The following PRKCZ variants were observed in gnomAD, a reference collection of about 807,000 sequenced individuals.
PRKCZ encodes protein kinase C zeta type.
In PRKCZ, 33 loss-of-function variants were observed where a neutral mutation model predicts 79.5. The observed-to-expected ratio is 0.41, with a 90% CI of 0.31 to 0.55. The LOEUF (loss-of-function observed/expected upper bound fraction) is 0.55, where lower values mean the gene tolerates loss of function less well. Among genes scored for constraint, PRKCZ ranks in the 20% least tolerant of loss-of-function variants. PRKCZ has a pLI of 0.19. For missense variants in PRKCZ, 578 were observed against 813.5 expected (o/e 0.71, Z 3.52); for synonymous variants, 342 against 320.9 (o/e 1.07, Z -0.70).
Position 2,128,169 on chromosome 1 carries a change from GTCC to G in PRKCZ, c.335-7088_335-7086del, listed in dbSNP as rs1013657886. On this transcript the variant is annotated intron_variant, in intron 4 of 17. Transcript: ENST00000378567. This position sits in a 1 kb window ranked among gnomAD's most constrained non-coding sequence, Gnocchi z 6.5. The stretch of plus-strand genomic sequence containing the variant: ...CCCAAGGGCACCTCACTGTCTCCTT[GTCC>G]TCCTGGTCACTGACCTGGGCCACCA... 6.6e-6 allele frequency among the ~76,000 whole-genome samples: 1 copy of G among 152,182 alleles called. No homozygotes were observed. The highest frequency in any genetic ancestry group is 2.4e-5 in the African/African-American group (1 of 41,456).
intron 10 of PRKCZ, among the ~76,000 whole-genome samples, chr1:2,164,371 G>C (rs1270493293): frequency 1.3e-5 from 2 of 152,236 alleles, no homozygotes; most frequent in African/African-American, 2.4e-5. Flanking sequence ...TGGACTTAAA[G>C]CAAGCAGGCC....
rs1332178072 is a variant in PRKCZ, at chr1:2,178,843, A to ACT, written c.1575+3530_1575+3531insCT. Among the ~76,000 whole-genome samples the ACT allele has an allele frequency of 6.6e-6, 1 of 152,114 alleles. No individual in the cohort carries two copies. Among genetic ancestry groups the ACT allele is most frequent in the Admixed American group, 6.6e-5 (1 of 15,266 alleles). On this transcript the variant is annotated intron_variant, in intron 16 of 17. Transcript: ENST00000378567. This position sits in a 1 kb window ranked among gnomAD's most constrained non-coding sequence, Gnocchi z 4.3. ...CACGGACTGCGGGGAAGGCAGTGGG[A>ACT]GCAGCAGGAATGGATGGTGAAAGGA... is the stretch of plus-strand genomic sequence containing the variant.
intron 4 of PRKCZ, among the ~76,000 whole-genome samples, chr1:2,106,834 C>T (rs1458528277): frequency 3.5e-5 from 4 of 113,312 alleles, no homozygotes; most frequent in South Asian, 6.7e-4. Flanking sequence ...CGAGGACCTC[C>T]ACACGTGTCA....
At position 2,137,621 on chromosome 1, in the gene PRKCZ, G is replaced by A. The variant is rs562137153; in HGVS notation, c.420+2274G>A. Reference sequence around the variant, plus strand: ...ATCTGTCTCTTCTGTCATTCTGCATGACGGATTAGCCCAGAGTGAACCCTA... The same window carrying A: ...ATCTGTCTCTTCTGTCATTCTGCATAACGGATTAGCCCAGAGTGAACCCTA... On this transcript the variant is annotated intron_variant, in intron 5 of 17. Coordinates refer to ENST00000378567, the MANE Select transcript of PRKCZ (RefSeq NM_002744.6). 1.1e-3 allele frequency among the ~76,000 whole-genome samples: 172 copies of A among 152,296 alleles called. 1 individual carries two copies. Among genetic ancestry groups the A allele is most frequent in the African/African-American group, 4.0e-3 (168 of 41,550 alleles).
chr1:2,148,716 T>C (rs892977520), intron 7 of PRKCZ, among the ~76,000 whole-genome samples, 156 bp from the exon 8 acceptor site: 4 of 152,220 alleles, frequency 2.6e-5, no homozygotes, highest in African/African-American at 9.7e-5. Context: ...GGAAACTGCA[T>C]TTTCAGAAGA....
At position 2,082,234 on chromosome 1, in the gene PRKCZ, C is replaced by A. The variant is rs763111344; in HGVS notation, c.334+22643C>A. 2.6e-6 allele frequency: 1 copy of A among 388,720 alleles called. No individual in the cohort carries two copies. Among genetic ancestry groups the A allele is most frequent in the Non-Finnish European group, 5.1e-6 (1 of 196,920 alleles). 24.1% of individuals were successfully genotyped at this position (388,720 alleles called of 1,614,324 possible). A position where few individuals can be genotyped will look rare whatever the true frequency, so the allele number is the denominator to read the frequency against. On this transcript the variant is annotated intron_variant, in intron 4 of 17. Coordinates refer to ENST00000378567, the MANE Select transcript of PRKCZ (RefSeq NM_002744.6). This position sits in a 1 kb window ranked among gnomAD's most constrained non-coding sequence, Gnocchi z 4.4. ...GCCTGTTGTGTGCGCCTTTTCCCTGCTCCAGGGCTGTGTATTTGGCAAGAG... is the reference window on the plus strand; with the variant it reads ...GCCTGTTGTGTGCGCCTTTTCCCTGATCCAGGGCTGTGTATTTGGCAAGAG...
chr1:2,148,014 A>G (rs373408), intron 7 of PRKCZ, among the ~76,000 whole-genome samples: 1,060 of 123,012 alleles, frequency 8.6e-3, no homozygotes, highest in African/African-American at 0.038. Context: ...CCATCCATCT[A>G]TTGTCCACTG....
rs1213314980 is a variant in PRKCZ, at chr1:2,056,729, C to CT, written c.283+173dup. 6.7e-3 allele frequency among the ~76,000 whole-genome samples: 915 copies of CT among 136,752 alleles called. 4 individuals are homozygous for CT. The highest frequency in any genetic ancestry group is 0.011 in the African/African-American group (395 of 36,624). 89.7% of individuals were successfully genotyped at this position (136,752 alleles called of 152,430 possible). On this transcript the variant is annotated intron_variant, in intron 3 of 17. Coordinates refer to ENST00000378567, the MANE Select transcript of PRKCZ (RefSeq NM_002744.6). ...ATGCCATTTGGGTTTTTTTCTTTGA[C>CT]TTTTTTTTTTTTTTTTTGAGACGGA...
intron 5 of PRKCZ, 37 bp downstream of exon 5, chr1:2,135,384 CT>C: frequency 6.5e-7 from 1 of 1,530,446 alleles, no homozygotes; most frequent in Non-Finnish European, 8.9e-7. Flanking sequence ...CTCAAGGGGC[CT>C]TTTGTTACTT....
At chr1:2,052,783 C>T (rs1659802946) in intron 1 of PRKCZ, among the ~76,000 whole-genome samples, 1 of 152,222 alleles carries the variant, frequency 6.6e-6, no homozygotes, top group Non-Finnish European at 1.5e-5. Context: ...CCTAGAAACT[C>T]TGTCCCTGGG....
At chr1:2,110,935 G>C (rs527469210) in intron 4 of PRKCZ, among the ~76,000 whole-genome samples, 118 of 152,210 alleles carry the variant, frequency 7.8e-4, no homozygotes, top group Admixed American at 1.6e-3. Flanking sequence ...GGGACTGGAA[G>C]CTTGCACACG....
chr1:2,183,773 A>G (rs1687104751), intron 16 of PRKCZ: 1 of 152,398 alleles, frequency 6.6e-6, no homozygotes, highest in African/African-American at 2.4e-5. Flanking sequence ...AGAGGAATCC[A>G]TGCCCAAGCT....
intron 4 of PRKCZ, among the ~76,000 whole-genome samples, chr1:2,084,014 T>G (rs1173381152): frequency 6.6e-6 from 1 of 152,094 alleles, no homozygotes; most frequent in Non-Finnish European, 1.5e-5. Flanking sequence ...GGCAGATCAC[T>G]TGAGGTCAGG....
At chr1:2,124,783 C>G (rs534509014) in intron 4 of PRKCZ, among the ~76,000 whole-genome samples, 1 of 151,970 alleles carries the variant, frequency 6.6e-6, no homozygotes, top group East Asian at 1.9e-4. Flanking sequence ...GGTCAGCAGA[C>G]GCCGTGCATG....
intron 10 of PRKCZ, among the ~76,000 whole-genome samples, chr1:2,158,849 G>T (rs1281652254): frequency 6.6e-6 from 1 of 152,136 alleles, no homozygotes; most frequent in African/African-American, 2.4e-5. Flanking sequence ...TGGGATCCCC[G>T]CAGCGGCACC....
chr1:2,104,212 C>G (rs1335304135), intron 4 of PRKCZ, among the ~76,000 whole-genome samples: 3 of 152,118 alleles, frequency 2.0e-5, no homozygotes, highest in Non-Finnish European at 4.4e-5. Flanking sequence ...CCAGGGCCCT[C>G]ATCACCTCAC....
chr1:2,099,695 G>T (rs1667131791), intron 4 of PRKCZ, among the ~76,000 whole-genome samples: 1 of 152,216 alleles, frequency 6.6e-6, no homozygotes, highest in Admixed American at 6.5e-5. Context: ...GCAGCGTGGA[G>T]GTGAGGGTCG....
Position 2,061,358 on chromosome 1 carries a change from G to A in PRKCZ, c.334+1767G>A, listed in dbSNP as rs541770380. 2.0e-4 allele frequency among the ~76,000 whole-genome samples: 30 copies of A among 152,026 alleles called. 3 individuals are homozygous for A. The South Asian group carries it at 5.8e-3, about 30-fold the overall frequency. Reference sequence around the variant, plus strand: ...CGTGTGGACAACCTGCCGGCCTTGCGTAGGGAAGGGAGGCCCGCATTTGCT... The same window carrying A: ...CGTGTGGACAACCTGCCGGCCTTGCATAGGGAAGGGAGGCCCGCATTTGCT... On this transcript the variant is annotated intron_variant, in intron 4 of 17. Coordinates refer to ENST00000378567, the MANE Select transcript of PRKCZ (RefSeq NM_002744.6).
chr1:2,147,352 A>G (rs1012377060), intron 7 of PRKCZ, among the ~76,000 whole-genome samples: 3 of 147,972 alleles, frequency 2.0e-5, no homozygotes, highest in Non-Finnish European at 3.0e-5. Flanking sequence ...CTCTCCATCT[A>G]TCCATCTATT....
Sources: gnomAD v4.1 joint callset for allele counts (sites outside exome capture counted in the v4.1 genomes callset) on GRCh38, gnomAD v4.1.1 for gene constraint, Gnocchi (gnomAD v3.1) non-coding constraint, MANE v1.5 for transcripts, NCBI Gene and HGNC (gene_info 2026-07-23, HGNC 2026-07-21) for gene names.